The following SYNE2 variants were observed in gnomAD, a reference collection of about 807,000 sequenced individuals.
SYNE2 encodes spectrin repeat containing nuclear envelope protein 2, also known as nesprin-2.
Under a neutral mutation model 856.3 loss-of-function variants are expected in SYNE2, and 431 were observed. The observed-to-expected ratio is 0.50, with a 90% CI of 0.47 to 0.55. SYNE2 has a LOEUF of 0.55. Ranked by LOEUF, SYNE2 falls within the 20% of genes least tolerant of loss-of-function variation. SYNE2 has a pLI of 0.00. For synonymous variants in SYNE2, 2,923 were observed against 2,872.3 expected, an observed-to-expected ratio of 1.02 and a Z score of -0.56; for missense variants, 8,129 against 8,023.2, an observed-to-expected ratio of 1.01 and a Z score of -0.50.
chr14:63,892,956 A>G (rs1307449575), intron 1 of SYNE2, among the ~76,000 whole-genome samples: 1 of 152,130 alleles, frequency 6.6e-6, no homozygotes, highest in Non-Finnish European at 1.5e-5. Flanking sequence ...ATAAGATCAG[A>G]TATTATATGT....
chr14:63,847,045 T>C (rs1036664794), intron 1 of SYNE2, among the ~76,000 whole-genome samples: 3 of 151,500 alleles, frequency 2.0e-5, no homozygotes, highest in Non-Finnish European at 4.4e-5. Flanking sequence ...TGGTCTTGAA[T>C]TCCCCGGCTC....
At chr14:63,907,313 C>A (rs868698131) in intron 1 of SYNE2, among the ~76,000 whole-genome samples, 3 of 152,212 alleles carry the variant, frequency 2.0e-5, no homozygotes, top group African/African-American at 7.2e-5. Flanking sequence ...CTCTCACTCA[C>A]CTTAGGAGAC....
chr14:63,861,676 A>G (rs144397461), intron 1 of SYNE2, among the ~76,000 whole-genome samples: 21 of 152,076 alleles, frequency 1.4e-4, no homozygotes, highest in African/African-American at 4.8e-4. Context: ...AGTCCCAGGT[A>G]CTAGGGAGGC....
rs1212574097 is a variant in SYNE2, at chr14:64,052,677, A to G, written c.8764A>G (p.Ile2922Val). The change falls in exon 48 of 116, where the codon ATT becomes GTT. Residue 2922 changes from isoleucine (I) to valine (V), a missense_variant. By Grantham distance (29) the Ile-to-Val change is conservative (BLOSUM62 3). Transcript: ENST00000555002. ...GGAAGATCAGTTGAAAAATCTTAAG[A>G]TTAGGACCAACAGAATACAAAGATT... ...FLEDQLKNLK[I>V]RTNRIQRFIQ... 6.2e-7 allele frequency: 1 copy of G among 1,613,872 alleles called. No homozygotes were observed.
chr14:63,827,662 A>C (rs1889500971), intron 1 of SYNE2, among the ~76,000 whole-genome samples: 1 of 148,658 alleles, frequency 6.7e-6, no homozygotes, highest in Non-Finnish European at 1.5e-5. Context: ...AAAAAGAAAG[A>C]AAAAGAAAAA....
chr14:64,140,201 A>C (rs2098128754), intron 80 of SYNE2, 128 bp downstream of exon 80: 1 of 868,116 alleles, frequency 1.2e-6, no homozygotes, highest in South Asian at 1.4e-5. Context: ...GGCGAATGGC[A>C]GCTGTGTTCT....
chr14:64,219,124 T>C, intron 109 of SYNE2, 84 bp from the exon 110 acceptor site: 2 of 845,412 alleles, frequency 2.4e-6, no homozygotes, highest in Non-Finnish European at 3.6e-6. Flanking sequence ...TTTTTTTTTT[T>C]AACCACCCTG....
chr14:63,845,991 A>C (rs969955777), intron 1 of SYNE2, among the ~76,000 whole-genome samples: 4 of 148,144 alleles, frequency 2.7e-5, no homozygotes, highest in Non-Finnish European at 4.5e-5. Flanking sequence ...TGATCCACCC[A>C]CCTTGGCCTC....
At chr14:63,961,667 T>C in intron 9 of SYNE2, 42 bp downstream of exon 9, 1 of 1,393,196 alleles carries the variant, frequency 7.2e-7, no homozygotes. Context: ...TTTAGTTGTA[T>C]CCTGCTAATG....
At chr14:64,199,058 A>G (rs114764867) in intron 99 of SYNE2, among the ~76,000 whole-genome samples, 1 of 152,328 alleles carries the variant, frequency 6.6e-6, no homozygotes, top group African/African-American at 2.4e-5. Context: ...ACTGAAAGAA[A>G]ATCATGGAGG....
chr14:64,081,715 A>G (rs916822104), intron 57 of SYNE2, 135 bp downstream of exon 57: 3 of 986,946 alleles, frequency 3.0e-6, no homozygotes, highest in African/African-American at 3.2e-5. Context: ...GGCAGAAGGA[A>G]GCTTGAGAGA....
intron 45 of SYNE2, among the ~76,000 whole-genome samples, chr14:64,041,585 A>G (rs186371811): frequency 2.0e-5 from 3 of 152,328 alleles, no homozygotes; most frequent in Admixed American, 1.3e-4. Flanking sequence ...GCTCTGGCTC[A>G]TGCCTGTAAT....
intron 84 of SYNE2, among the ~76,000 whole-genome samples, chr14:64,151,440 A>G (rs2098241475): frequency 7.7e-6 from 1 of 130,408 alleles, no homozygotes. Flanking sequence ...AAAAAAAAAA[A>G]AAAAAAGCTG....
Position 63,997,112 on chromosome 14 carries a change from A to T in SYNE2, c.3106A>T (p.Ile1036Phe). 1 of 1,614,150 alleles carries T rather than the reference A, an allele frequency of 6.2e-7. No individual in the cohort carries two copies. ...AAGACTTCTGAAATGTGCTTCCGAG[A>T]TTCATATGACACTGCAGCCCACAGC... ...IERLLKCASE[I>F]HMTLQPTAGG... Residue 1036 changes from isoleucine to phenylalanine, a missense_variant, in exon 24 of 116, where the codon ATT becomes TTT. Ile to Phe is a conservative substitution (Grantham distance 21). This residue lies in a region of SYNE2 where 2,422 missense variants were observed against 2,357.4 expected (regional missense o/e 1.03). Transcript: ENST00000555002.
At chr14:63,860,117 A>G (rs1160766119) in intron 1 of SYNE2, among the ~76,000 whole-genome samples, 2 of 152,068 alleles carry the variant, frequency 1.3e-5, no homozygotes, top group East Asian at 3.9e-4. Context: ...TGGCCTCCCA[A>G]AGTACTAGGA....
chr14:64,055,518 G>C (rs955257403), intron 48 of SYNE2, among the ~76,000 whole-genome samples: 17 of 151,576 alleles, frequency 1.1e-4, no homozygotes, highest in Non-Finnish European at 2.2e-4. Flanking sequence ...ACAGGCGCGC[G>C]CCACCACACC....
intron 10 of SYNE2, among the ~76,000 whole-genome samples, chr14:63,966,743 C>T (rs1280855488): frequency 1.3e-5 from 2 of 151,618 alleles, no homozygotes; most frequent in African/African-American, 2.4e-5. Context: ...TATTTTTGAT[C>T]GATATGGGGT....
In SYNE2 at chr14:64,106,016, A is replaced by T. The variant is rs527839280; in HGVS notation, c.12493-1475A>T. On this transcript the variant is annotated intron_variant, in intron 64 of 115. Transcript: ENST00000555002. The stretch of plus-strand genomic sequence containing the variant: ...AGTGAAGCTAAGATTGCACCACTGC[A>T]CCACAGCCTGGTGACAGAGTGAGGC... 4.6e-5 allele frequency among the ~76,000 whole-genome samples: 7 copies of T among 151,352 alleles called. No homozygotes were observed. The South Asian group carries it at 1.5e-3, about 32-fold the overall frequency.
At chr14:63,911,403 A>G (rs2095472077) in intron 2 of SYNE2, among the ~76,000 whole-genome samples, 1 of 152,322 alleles carries the variant, frequency 6.6e-6, no homozygotes, top group South Asian at 2.1e-4. Context: ...TATACATATC[A>G]AGTAATATTT....
Sources: allele counts gnomAD v4.1 joint callset (sites outside exome capture counted in the v4.1 genomes callset), GRCh38; gene constraint gnomAD v4.1.1; regional missense constraint gnomAD v4.1.1; transcripts MANE v1.5; gene names NCBI Gene and HGNC (gene_info 2026-07-23, HGNC 2026-07-21).